CABIN1: variants seen among roughly 807,000 people sequenced by gnomAD.
CABIN1 encodes the protein calcineurin binding protein 1, also known as calcineurin-binding protein cabin-1.
In CABIN1, 133 loss-of-function variants were observed where a neutral mutation model predicts 227.7. The observed-to-expected ratio is 0.58, with a 90% CI of 0.51 to 0.67. CABIN1 has a LOEUF of 0.67. Among genes scored for constraint, CABIN1 ranks in the 30% least tolerant of loss-of-function variants. The probability of loss-of-function intolerance (pLI) is 0.00; values close to 1 mark genes in which losing one functional copy is unlikely to be tolerated. For synonymous variants in CABIN1, 1,086 were observed against 1,155.1 expected, an observed-to-expected ratio of 0.94 and a Z score of 1.21; for missense variants, 2,408 against 2,852.5, an observed-to-expected ratio of 0.84 and a Z score of 3.55.
rs142055003 is a variant in CABIN1 at position 24,038,423 on chromosome 22, G to T, written c.172G>T (p.Ala58Ser). Residue 58 changes from alanine to serine, a missense_variant, in exon 4 of 37, where the codon GCC becomes TCC. Transcript: ENST00000263119. ...KHDRFEESAK[A>S]YHELLEASLL... ...TGACCGGTTTGAGGAGTCTGCCAAA[G>T]CCTACCATGAGCTCTTGGAGGCGAG... The T allele has an allele frequency of 2.6e-5, 42 of 1,613,966 alleles. No homozygotes were observed. The highest frequency in any genetic ancestry group is 3.6e-5 in the Non-Finnish European group (42 of 1,180,022).
At chr22:24,164,623 C>G in intron 30 of CABIN1, 60 bp downstream of exon 30, 1 of 1,561,254 alleles carries the variant, frequency 6.4e-7, no homozygotes, top group Non-Finnish European at 8.7e-7. Flanking sequence ...GCACACACAC[C>G]CCAGGAAGCC....
intron 17 of CABIN1, among the ~76,000 whole-genome samples, chr22:24,071,760 G>A (rs1041828508): frequency 2.0e-5 from 3 of 152,150 alleles, no homozygotes; most frequent in African/African-American, 7.2e-5. Flanking sequence ...CAGGTTGTGT[G>A]TCACTTAAGG....
chr22:24,154,963 A>C (rs1164994961), intron 29 of CABIN1, among the ~76,000 whole-genome samples: 1 of 151,926 alleles, frequency 6.6e-6, no homozygotes, highest in East Asian at 1.9e-4. Flanking sequence ...GGAGGGAGGA[A>C]CGGCGCTATG....
intron 15 of CABIN1, among the ~76,000 whole-genome samples, chr22:24,066,041 G>A (rs1029653898): frequency 2.7e-5 from 4 of 150,486 alleles, no homozygotes; most frequent in South Asian, 4.2e-4. Flanking sequence ...GAGGGAGACC[G>A]TAGGGAGAGG....
intron 8 of CABIN1, 30 bp from the exon 9 acceptor site, chr22:24,054,843 T>A: frequency 6.2e-7 from 1 of 1,613,984 alleles, no homozygotes; most frequent in South Asian, 1.1e-5. Context: ...GACAGGGTGG[T>A]GATCAGGTGT....
intron 10 of CABIN1, among the ~76,000 whole-genome samples, chr22:24,057,917 C>A (rs1162589639): frequency 6.6e-6 from 1 of 152,210 alleles, no homozygotes; most frequent in East Asian, 1.9e-4. Context: ...CCCCTTAGCC[C>A]TGCTTTTTAC....
intron 1 of CABIN1, among the ~76,000 whole-genome samples, chr22:24,014,524 T>G (rs184567463): frequency 1.3e-3 from 193 of 152,280 alleles, no homozygotes; most frequent in African/African-American, 4.5e-3. Flanking sequence ...GTTCTTTTTG[T>G]CTTTAGCCTA....
intron 1 of CABIN1, among the ~76,000 whole-genome samples, chr22:24,014,932 ATG>A (rs201874946): frequency 0.012 from 1,870 of 152,206 alleles, 35 homozygotes; most frequent in African/African-American, 0.043. Context: ...CGAAGGTGAC[ATG>A]CTATATAGAT....
At chr22:24,169,987 AG>A in intron 33 of CABIN1, 1 of 369,416 alleles carries the variant, frequency 2.7e-6, no homozygotes, top group Non-Finnish European at 5.5e-6. Flanking sequence ...GGCCAGAGCC[AG>A]GGGACCCAGG....
chr22:24,080,557 T>C (rs911990915), intron 19 of CABIN1, among the ~76,000 whole-genome samples: 7 of 152,250 alleles, frequency 4.6e-5, no homozygotes, highest in African/African-American at 9.6e-5. Flanking sequence ...TTAGGTCTTA[T>C]GCTTTCATGT....
chr22:24,099,483 C>T (rs1187847705), intron 26 of CABIN1, among the ~76,000 whole-genome samples: 1 of 152,190 alleles, frequency 6.6e-6, no homozygotes, highest in Non-Finnish European at 1.5e-5. Context: ...TCAGCACTGA[C>T]ACCTCGCTGC....
intron 24 of CABIN1, chr22:24,092,142 A>G (rs2041589336): frequency 6.6e-6 from 3 of 456,540 alleles, no homozygotes; most frequent in Middle Eastern, 6.2e-4. Context: ...TCAGTGCTAC[A>G]TAGCATCTCC....
chr22:24,067,278 T>C, intron 16 of CABIN1, 97 bp downstream of exon 16: 1 of 1,272,948 alleles, frequency 7.9e-7, no homozygotes, highest in East Asian at 2.5e-5. Flanking sequence ...CTTAAGAATG[T>C]ATAGCTAGAA....
intron 11 of CABIN1, 36 bp downstream of exon 11, chr22:24,059,399 A>G: frequency 1.2e-6 from 2 of 1,612,714 alleles, no homozygotes; most frequent in Non-Finnish European, 1.7e-6. Flanking sequence ...CACTTTGGGA[A>G]TTCTTCTTCC....
At chr22:24,153,178 C>T (rs1000563669) in intron 29 of CABIN1, among the ~76,000 whole-genome samples, 4 of 152,148 alleles carry the variant, frequency 2.6e-5, no homozygotes, top group African/African-American at 9.7e-5. Context: ...GAGCCAAAGG[C>T]CAAGCATATA....
intron 28 of CABIN1, among the ~76,000 whole-genome samples, chr22:24,133,273 A>G (rs1421401482): frequency 1.3e-5 from 2 of 152,232 alleles, no homozygotes; most frequent in South Asian, 2.1e-4. Context: ...GCAGGCTAGC[A>G]TGGGCCCCAC....
chr22:24,166,563 C>A (rs892832144), intron 31 of CABIN1, 76 bp from the exon 32 acceptor site: 29 of 1,591,956 alleles, frequency 1.8e-5, no homozygotes, highest in Non-Finnish European at 2.4e-5. Flanking sequence ...CCAGGTTGGG[C>A]TCACCAGCCC....
chr22:24,106,084 G>A (rs777324524), intron 26 of CABIN1, among the ~76,000 whole-genome samples: 9 of 152,320 alleles, frequency 5.9e-5, no homozygotes, highest in Non-Finnish European at 1.0e-4. Context: ...CAGTTCACTT[G>A]GGCAGCATGA....
At chr22:24,170,024 C>G in intron 33 of CABIN1, 1 of 422,424 alleles carries the variant, frequency 2.4e-6, no homozygotes, top group Non-Finnish European at 4.8e-6. Flanking sequence ...TTGCCTGCTG[C>G]TGGGCGACGC....
Sources: gnomAD v4.1 joint callset for allele counts (sites outside exome capture counted in the v4.1 genomes callset) on GRCh38, gnomAD v4.1.1 for gene constraint, MANE v1.5 for transcripts, NCBI Gene and HGNC (gene_info 2026-07-23, HGNC 2026-07-21) for gene names.